The following PLCG2 variants were observed in gnomAD, a reference collection of about 807,000 sequenced individuals.
PLCG2 encodes phospholipase C gamma 2.
Under a neutral mutation model 175.6 loss-of-function variants are expected in PLCG2, and 69 were observed. The observed-to-expected ratio is 0.39, with a 90% CI of 0.32 to 0.48. The LOEUF (loss-of-function observed/expected upper bound fraction) is 0.48. PLCG2 is among the 20% of genes least tolerant of loss of function. The pLI, the probability that PLCG2 is intolerant of heterozygous loss-of-function variation, is 0.91. For synonymous variants in PLCG2, 827 were observed against 624.0 expected (o/e 1.33, Z -4.85); for missense variants, 1,798 against 1,650.9 (o/e 1.09, Z -1.54).
intron 2 of PLCG2, among the ~76,000 whole-genome samples, chr16:81,797,487 G>A (rs764362929): frequency 1.1e-4 from 17 of 152,130 alleles, no homozygotes; most frequent in Admixed American, 7.2e-4. Flanking sequence ...CCAGGCCTTC[G>A]GTAGTCCTGA....
Position 81,936,179 on chromosome 16 carries a change from C to T in PLCG2, c.2853C>T (p.Asp951=). 1 of 1,614,108 alleles carries T rather than the reference C, an allele frequency of 6.2e-7. No homozygotes were observed. The highest frequency in any genetic ancestry group is 1.1e-5 in the South Asian group (1 of 91,088). Reference sequence around the variant, plus strand: ...TTTCTCTGTGTGCAGAAAATCCTGACTTCCGAGAAATCCGCTCCTTTGTGG... The same window carrying T: ...TTTCTCTGTGTGCAGAAAATCCTGATTTCCGAGAAATCCGCTCCTTTGTGG... ...SKTKDNLENP[D]FREIRSFVET... Residue 951 remains aspartate (D), a synonymous_variant, in exon 27 of 33, where the codon GAC becomes GAT. Transcript: ENST00000564138.
At chr16:81,885,588 T>C (rs1481841594) in intron 9 of PLCG2, among the ~76,000 whole-genome samples, 1 of 152,168 alleles carries the variant, frequency 6.6e-6, no homozygotes, top group Non-Finnish European at 1.5e-5. Flanking sequence ...TCATTTTGTT[T>C]GTAAATACTT....
chr16:81,831,451 G>A (rs1252003947), intron 2 of PLCG2, among the ~76,000 whole-genome samples: 1 of 152,170 alleles, frequency 6.6e-6, no homozygotes, highest in Non-Finnish European at 1.5e-5. Context: ...CATGAACTTG[G>A]TCTCCTTAAA....
At chr16:81,872,788 G>A (rs1213168665) in intron 7 of PLCG2, among the ~76,000 whole-genome samples, 2 of 152,246 alleles carry the variant, frequency 1.3e-5, no homozygotes, top group Admixed American at 1.3e-4. Context: ...ACCACTGACT[G>A]CTCCTAGCCT....
chr16:81,947,774 T>C (rs1756533347), intron 31 of PLCG2, among the ~76,000 whole-genome samples: 1 of 152,232 alleles, frequency 6.6e-6, no homozygotes, highest in Admixed American at 6.5e-5. Flanking sequence ...GTTTAGTTTA[T>C]AAAGAGTATT....
chr16:81,756,113 A>T (rs1909921598), intron 2 of PLCG2: 1 of 153,664 alleles, frequency 6.5e-6, no homozygotes, highest in Non-Finnish European at 1.5e-5. Context: ...AGCCACAGAT[A>T]GGATGGCCAT....
intron 1 of PLCG2, among the ~76,000 whole-genome samples, chr16:81,746,773 G>A (rs1410878570): frequency 6.6e-6 from 1 of 152,120 alleles, no homozygotes; most frequent in Admixed American, 6.6e-5. Flanking sequence ...CGTCAATCAG[G>A]TAACTGGTAC....
At chr16:81,781,598 T>G (rs1051512355) in intron 1 of PLCG2, among the ~76,000 whole-genome samples, 1 of 152,222 alleles carries the variant, frequency 6.6e-6, no homozygotes, top group Non-Finnish European at 1.5e-5. Flanking sequence ...ATTTACACTC[T>G]CACTTGCAGT....
At chr16:81,898,416 G>T (rs563588886) in intron 13 of PLCG2, 1 of 152,588 alleles carries the variant, frequency 6.6e-6, no homozygotes, top group South Asian at 2.1e-4. Flanking sequence ...CTTTTTAGCT[G>T]TTATGTTCTA....
At position 81,955,720 on chromosome 16, in the gene PLCG2, ACT is replaced by A. The variant is rs1438847949; in HGVS notation, c.3571-972_3571-971del. Reference sequence around the variant, plus strand: ...CTTTCAGCTGATCCCAAGAAAAGAAACTCTACCAAGAGCACCAACGAAAGTCC... The same window carrying A: ...CTTTCAGCTGATCCCAAGAAAAGAAACTACCAAGAGCACCAACGAAAGTCC... On this transcript the variant is annotated intron_variant, in intron 31 of 32. Coordinates refer to ENST00000564138, the MANE Select transcript of PLCG2 (RefSeq NM_002661.5). 4.6e-5 allele frequency among the ~76,000 whole-genome samples: 7 copies of A among 152,208 alleles called. 1 individual carries two copies. Among genetic ancestry groups the A allele is most frequent in the Admixed American group, 3.3e-4 (5 of 15,292 alleles).
At chr16:81,895,655 T>A (rs984029004) in intron 12 of PLCG2, 152 bp from the exon 13 acceptor site, 1 of 753,246 alleles carries the variant, frequency 1.3e-6, no homozygotes, top group African/African-American at 1.7e-5. Context: ...ACCCTGCGGA[T>A]ACAGGGAAAG....
chr16:81,826,222 G>A (rs951573318), intron 2 of PLCG2, among the ~76,000 whole-genome samples: 4 of 152,254 alleles, frequency 2.6e-5, no homozygotes, highest in South Asian at 2.1e-4. Context: ...CTGGCATCAT[G>A]TCCACCTCCT....
intron 2 of PLCG2, among the ~76,000 whole-genome samples, chr16:81,803,018 T>G (rs1911805764): frequency 6.6e-6 from 1 of 152,158 alleles, no homozygotes; most frequent in Admixed American, 6.5e-5. Context: ...TCTACTTTAC[T>G]TTCCCCCATC....
At chr16:81,891,189 A>G (rs1050749066) in intron 10 of PLCG2, among the ~76,000 whole-genome samples, 4 of 152,186 alleles carry the variant, frequency 2.6e-5, no homozygotes, top group Non-Finnish European at 4.4e-5. Flanking sequence ...AAAACCAACA[A>G]CAATGTATAT....
intron 2 of PLCG2, among the ~76,000 whole-genome samples, chr16:81,809,991 C>CT (rs983379664): frequency 8.6e-4 from 128 of 148,650 alleles, no homozygotes; most frequent in African/African-American, 2.1e-3. Flanking sequence ...TGGTTCTCTC[C>CT]TTTTTTTTTT....
At chr16:81,760,603 A>G (rs748354896) in intron 2 of PLCG2, among the ~76,000 whole-genome samples, 64 of 152,204 alleles carry the variant, frequency 4.2e-4, no homozygotes, top group African/African-American at 1.3e-3. Flanking sequence ...AAAGAATGGC[A>G]GAGCCCACTA....
At chr16:81,796,472 G>A (rs1051188707) in intron 2 of PLCG2, among the ~76,000 whole-genome samples, 1 of 152,260 alleles carries the variant, frequency 6.6e-6, no homozygotes, top group Non-Finnish European at 1.5e-5. Context: ...GTGGTCTCCT[G>A]TAAGAGGACA....
intron 2 of PLCG2, among the ~76,000 whole-genome samples, chr16:81,832,442 C>G (rs571587159): frequency 2.6e-5 from 4 of 152,198 alleles, no homozygotes; most frequent in African/African-American, 7.2e-5. Flanking sequence ...CAGGTGGGAG[C>G]GCAGTGGCAT....
intron 30 of PLCG2, among the ~76,000 whole-genome samples, chr16:81,940,455 CT>C (rs1296098077): frequency 6.7e-6 from 1 of 148,636 alleles, no homozygotes; most frequent in East Asian, 2.0e-4. Flanking sequence ...CCTTTGGCAT[CT>C]TGGGGGGGGA....
Sources: allele counts gnomAD v4.1 joint callset (sites outside exome capture counted in the v4.1 genomes callset), GRCh38; gene constraint gnomAD v4.1.1; transcripts MANE v1.5; gene names NCBI Gene and HGNC (gene_info 2026-07-23, HGNC 2026-07-21).